PRKAG2: variants seen among roughly 807,000 people sequenced by gnomAD.
The protein encoded by PRKAG2 is protein kinase AMP-activated non-catalytic subunit gamma 2.
Under a neutral mutation model 69.6 loss-of-function variants are expected in PRKAG2, and 26 were observed. That is an observed-to-expected ratio of 0.37 (90% CI 0.27 to 0.52). PRKAG2 has a LOEUF of 0.52. Among genes scored for constraint, PRKAG2 ranks in the 20% least tolerant of loss-of-function variants. The probability of loss-of-function intolerance (pLI) is 0.90; values close to 1 mark genes in which losing one functional copy is unlikely to be tolerated. For synonymous variants in PRKAG2, 293 were observed against 285.0 expected, an observed-to-expected ratio of 1.03 and a Z score of -0.28; for missense variants, 557 against 740.0, an observed-to-expected ratio of 0.75 and a Z score of 2.87.
At chr7:151,808,977 C>T (rs1002233950) in intron 1 of PRKAG2, among the ~76,000 whole-genome samples, 2 of 152,210 alleles carry the variant, frequency 1.3e-5, no homozygotes, top group African/African-American at 2.4e-5. Flanking sequence ...TCCCCCTCCT[C>T]CCCACTCCAC....
intron 1 of PRKAG2, chr7:151,790,448 A>T (rs2077221043): frequency 6.6e-6 from 1 of 152,238 alleles, no homozygotes; most frequent in South Asian, 2.1e-4. Context: ...CTATCAGTTT[A>T]TTTCTCTAAC....
At chr7:151,715,477 C>A (rs1796037141) in intron 3 of PRKAG2, among the ~76,000 whole-genome samples, 1 of 151,722 alleles carries the variant, frequency 6.6e-6, no homozygotes, top group Non-Finnish European at 1.5e-5. Flanking sequence ...TCTCAGCCTC[C>A]CAAGTTGCTG....
chr7:151,758,927 G>A (rs1324572304), intron 3 of PRKAG2, among the ~76,000 whole-genome samples: 4 of 152,276 alleles, frequency 2.6e-5, no homozygotes, highest in Admixed American at 1.3e-4. Context: ...CCATGCTAAT[G>A]TATCTCCAGA....
intron 5 of PRKAG2, among the ~76,000 whole-genome samples, chr7:151,630,823 TG>T (rs1824231163): frequency 6.6e-6 from 1 of 152,252 alleles, no homozygotes; most frequent in African/African-American, 2.4e-5. Context: ...TGGGTTCGAA[TG>T]AAGACCCTGG....
chr7:151,568,902 A>C, intron 10 of PRKAG2, 60 bp from the exon 11 acceptor site: 2 of 1,588,188 alleles, frequency 1.3e-6, no homozygotes, highest in Non-Finnish European at 1.7e-6. Context: ...AACACTTTGG[A>C]CTACCCCTGC....
At position 151,677,222 on chromosome 7, in the gene PRKAG2, T is replaced by C. The variant is rs932569823; in HGVS notation, c.467-1585A>G. ...TTTTTTGAGACAGAGTTTTCACTCT[T>C]GTCGCCCAGGCTGCAGTGCTGTGGT... On this transcript the variant is annotated intron_variant, in intron 3 of 15. Transcript: ENST00000287878. Among the ~76,000 whole-genome samples, 4 of 152,180 alleles carry C rather than the reference T, an allele frequency of 2.6e-5. No individual in the cohort carries two copies. The East Asian group carries it at 5.8e-4, about 22-fold the overall frequency.
chr7:151,567,323 T>G lies in PRKAG2; in HGVS notation c.1233+1393A>C, dbSNP rs1266595788. Among the ~76,000 whole-genome samples, 1 of 152,216 alleles carries G rather than the reference T, an allele frequency of 6.6e-6. No homozygotes were observed. Among genetic ancestry groups the G allele is most frequent in the Non-Finnish European group, 1.5e-5 (1 of 68,044 alleles). ...CTTGGCAAAGCTACTTAACCTTTCT[T>G]AGCTGCATCCCTATAAAATAGGATT... On this transcript the variant is annotated intron_variant, in intron 11 of 15. Transcript: ENST00000287878. This position sits in a 1 kb window ranked among gnomAD's most constrained non-coding sequence, Gnocchi z 4.2.
intron 1 of PRKAG2, among the ~76,000 whole-genome samples, chr7:151,813,500 A>T (rs1197353612): frequency 1.3e-5 from 2 of 151,790 alleles, no homozygotes; most frequent in African/African-American, 4.8e-5. Flanking sequence ...AGGAAAAAAA[A>T]AAAAAAGGAC....
chr7:151,785,546 G>A (rs1009017719), intron 2 of PRKAG2, among the ~76,000 whole-genome samples: 4 of 152,234 alleles, frequency 2.6e-5, no homozygotes, highest in African/African-American at 4.8e-5. Context: ...ATTCAGTTGT[G>A]TGTAATTCAA....
intron 1 of PRKAG2, among the ~76,000 whole-genome samples, chr7:151,852,435 C>T (rs1337353543): frequency 6.6e-6 from 1 of 152,110 alleles, no homozygotes; most frequent in Non-Finnish European, 1.5e-5. Context: ...GTGGAGGTTG[C>T]AGTGAGTCAA....
rs1298254410 is a variant in PRKAG2, at chr7:151,564,087, T to C, written c.1575A>G (p.Val525=). The change falls in exon 14 of 16, where the codon GTA becomes GTG. Residue 525 remains valine, a synonymous_variant. Coordinates refer to ENST00000287878, the MANE Select transcript of PRKAG2 (RefSeq NM_016203.4). ...GGGAAAGCCGTCTCACCTCAGCTCT[T>C]ACTATTCTGTCCACGATGGTCTCCA... ...EILETIVDRI[V]RAEVHRLVVV... 6.2e-7 allele frequency: 1 copy of C among 1,614,118 alleles called. No homozygotes were observed. Among genetic ancestry groups the C allele is most frequent in the East Asian group, 2.2e-5 (1 of 44,876 alleles).
intron 1 of PRKAG2, among the ~76,000 whole-genome samples, chr7:151,869,902 C>T (rs1031708569): frequency 7.2e-5 from 11 of 152,132 alleles, no homozygotes; most frequent in Admixed American, 6.6e-4. Context: ...TTGGAGCTTA[C>T]GGCAGGGCAT....
intron 1 of PRKAG2, among the ~76,000 whole-genome samples, chr7:151,846,032 A>G (rs56331005): frequency 0.096 from 14,571 of 152,254 alleles, 1,311 homozygotes; most frequent in East Asian, 0.39. Context: ...TTCCAGAGCC[A>G]GACCTCCCGG....
At chr7:151,602,948 T>C (rs112386634) in intron 5 of PRKAG2, among the ~76,000 whole-genome samples, 6,844 of 152,286 alleles carry the variant, frequency 0.045, 503 homozygotes, top group African/African-American at 0.16. Context: ...CCTCCAGCCA[T>C]GCAGAACTGT....
intron 15 of PRKAG2, chr7:151,559,401 GAA>G: frequency 4.1e-6 from 4 of 985,394 alleles, no homozygotes; most frequent in Non-Finnish European, 4.8e-6. Flanking sequence ...TTAAACACTT[GAA>G]GTTTGCAAGT....
In PRKAG2 at chr7:151,772,250, T is replaced by C. The variant is rs577801417; in HGVS notation, c.466+8902A>G. 7.9e-5 allele frequency among the ~76,000 whole-genome samples: 12 copies of C among 152,268 alleles called. No individual in the cohort carries two copies. In the South Asian group the frequency reaches 2.5e-3, roughly 32 times the overall value. ...CCTGGGAGCCAGCGGTGTGCTTATA[T>C]TCCCAACACACATAATGCCCCTTTC... On this transcript the variant is annotated intron_variant, in intron 3 of 15. Transcript: ENST00000287878.
At chr7:151,603,963 A>G (rs547131190) in intron 5 of PRKAG2, among the ~76,000 whole-genome samples, 1 of 148,274 alleles carries the variant, frequency 6.7e-6, no homozygotes, top group South Asian at 2.2e-4. Context: ...GTATAATCCA[A>G]TCCTAGGTTA....
At chr7:151,847,467 C>T (rs569268604) in intron 1 of PRKAG2, among the ~76,000 whole-genome samples, 46 of 152,246 alleles carry the variant, frequency 3.0e-4, no homozygotes, top group African/African-American at 1.1e-3. Context: ...AGCTCTTGTC[C>T]CCGAGCCTCT....
At chr7:151,617,403 G>A (rs576422443) in intron 5 of PRKAG2, among the ~76,000 whole-genome samples, 2 of 152,166 alleles carry the variant, frequency 1.3e-5, no homozygotes, top group African/African-American at 4.8e-5. Context: ...GTGGGTGAGG[G>A]TGTTGATGAA....
Sources: gnomAD v4.1 joint callset for allele counts (sites outside exome capture counted in the v4.1 genomes callset) on GRCh38, gnomAD v4.1.1 for gene constraint, Gnocchi (gnomAD v3.1) non-coding constraint, MANE v1.5 for transcripts, NCBI Gene and HGNC (gene_info 2026-07-23, HGNC 2026-07-21) for gene names.